GRIA4: variants seen among roughly 807,000 people sequenced by gnomAD.
GRIA4 encodes glutamate receptor 4.
In GRIA4, 34 loss-of-function variants were observed where a neutral mutation model predicts 104.0. The observed-to-expected ratio is 0.33, with a 90% CI of 0.25 to 0.44. The LOEUF is 0.44. Ranked by LOEUF, GRIA4 falls within the 20% of genes least tolerant of loss-of-function variation. The probability of loss-of-function intolerance (pLI) is 1.00; values close to 1 mark genes in which losing one functional copy is unlikely to be tolerated. For synonymous variants in GRIA4, 386 were observed against 381.9 expected, an observed-to-expected ratio of 1.01 and a Z score of -0.13; for missense variants, 750 against 1,096.5, an observed-to-expected ratio of 0.68 and a Z score of 4.46.
intron 4 of GRIA4, among the ~76,000 whole-genome samples, chr11:105,779,618 A>G (rs1044969298): frequency 1.1e-4 from 17 of 152,136 alleles, no homozygotes; most frequent in Admixed American, 6.5e-4. Context: ...CATGTACCCT[A>G]AAACTTAAAA....
intron 14 of GRIA4, among the ~76,000 whole-genome samples, chr11:105,956,280 C>A (rs182127817): frequency 5.3e-5 from 8 of 151,846 alleles, no homozygotes; most frequent in Non-Finnish European, 1.0e-4. Context: ...CACAACAGGC[C>A]CCAGTTTGTG....
chr11:105,726,415 TCATCTCCTTCGCA>T (rs1938210383), intron 3 of GRIA4, among the ~76,000 whole-genome samples: 1 of 152,084 alleles, frequency 6.6e-6, no homozygotes, highest in Admixed American at 6.6e-5. Flanking sequence ...GATAAAACTC[TCATCTCCTTCGCA>T]CAGGGCACCT....
At chr11:105,911,935 T>C (rs1357072806) in intron 10 of GRIA4, 4 of 1,553,568 alleles carry the variant, frequency 2.6e-6, no homozygotes, top group Non-Finnish European at 3.5e-6. Context: ...TTCCGCGCTG[T>C]TCGACCATTC....
chr11:105,639,865 A>G (rs1274815033), intron 3 of GRIA4, among the ~76,000 whole-genome samples: 1 of 151,982 alleles, frequency 6.6e-6, no homozygotes, highest in Non-Finnish European at 1.5e-5. Context: ...ATAGAGCAGT[A>G]AACACTACAC....
In GRIA4 at chr11:105,905,268, T is replaced by G; in HGVS notation, c.1125T>G (p.Asp375Glu). ...GACGTAGAGTCAATTACACAATGGA[T>G]GTGTTTGAGCTGAAAAGCACAGGAC... is the stretch of plus-strand genomic sequence containing the variant. ...HYGRRVNYTM[D>E]VFELKSTGPR... is the part of the protein sequence containing the mutation. Residue 375 changes from aspartate (D) to glutamate (E), a missense_variant, in exon 9 of 17, where the codon GAT (aspartate) becomes GAG (glutamate). Coordinates refer to ENST00000282499, the MANE Select transcript of GRIA4 (RefSeq NM_000829.4). The G allele has an allele frequency of 1.2e-6, 2 of 1,603,842 alleles. No homozygotes were observed. The highest frequency in any genetic ancestry group is 2.2e-5 in the South Asian group (2 of 90,850).
At chr11:105,915,978 G>A (rs988077238) in intron 10 of GRIA4, among the ~76,000 whole-genome samples, 1 of 152,140 alleles carries the variant, frequency 6.6e-6, no homozygotes, top group Non-Finnish European at 1.5e-5. Flanking sequence ...GAGGCCAGGA[G>A]TTTGAGACCA....
intron 16 of GRIA4, among the ~76,000 whole-genome samples, chr11:105,975,778 T>G (rs1565375958): frequency 6.6e-6 from 1 of 152,122 alleles, no homozygotes; most frequent in Admixed American, 6.5e-5. Context: ...TATTTATTTA[T>G]ATGAAAGCTT....
At chr11:105,759,121 T>A (rs2135711508) in intron 4 of GRIA4, among the ~76,000 whole-genome samples, 1 of 152,278 alleles carries the variant, frequency 6.6e-6, no homozygotes, top group East Asian at 1.9e-4. Flanking sequence ...AAAGTACTTA[T>A]AAGTTCCTGG....
intron 3 of GRIA4, among the ~76,000 whole-genome samples, chr11:105,727,539 T>C (rs1252200665): frequency 2.0e-5 from 3 of 152,052 alleles, no homozygotes; most frequent in Non-Finnish European, 4.4e-5. Flanking sequence ...ACCACAAAGA[T>C]ACTCCTTGAG....
chr11:105,944,883 C>A (rs1346284049), intron 14 of GRIA4, among the ~76,000 whole-genome samples: 1 of 152,126 alleles, frequency 6.6e-6, no homozygotes, highest in Non-Finnish European at 1.5e-5. Flanking sequence ...CCTGCCATTT[C>A]CCATTGTGAA....
At chr11:105,792,744 C>A (rs1942268586) in intron 4 of GRIA4, among the ~76,000 whole-genome samples, 1 of 152,118 alleles carries the variant, frequency 6.6e-6, no homozygotes, top group South Asian at 2.1e-4. Context: ...TAATTAAAAT[C>A]CTTATCTAAG....
intron 3 of GRIA4, among the ~76,000 whole-genome samples, chr11:105,645,252 A>G (rs1200860502): frequency 1.3e-5 from 2 of 152,202 alleles, no homozygotes; most frequent in East Asian, 1.9e-4. Flanking sequence ...CACAACAACT[A>G]TCTTGCTAGA....
chr11:105,787,867 T>G (rs1489584633), intron 4 of GRIA4, among the ~76,000 whole-genome samples: 1 of 152,186 alleles, frequency 6.6e-6, no homozygotes, highest in Non-Finnish European at 1.5e-5. Flanking sequence ...CTTTAGTTTT[T>G]GGGTTGTTTT....
rs56222983 is a variant in GRIA4 at position 105,783,744 on chromosome 11, TTGTGTGTGTGTGTGTGTGTG to T, written c.487+30548_487+30567del. 2.6e-3 allele frequency among the ~76,000 whole-genome samples: 384 copies of T among 145,474 alleles called. 4 individuals carry two copies. Among genetic ancestry groups the T allele is most frequent in the Non-Finnish European group, 4.6e-3 (304 of 66,234 alleles). On this transcript the variant is annotated intron_variant, in intron 4 of 16. Coordinates refer to ENST00000282499, the MANE Select transcript of GRIA4 (RefSeq NM_000829.4). ...AGATAAAACAGATTCTGGATGTTAT[TTGTGTGTGTGTGTGTGTGTG>T]TGTGTGTGTGTGTGTGTGTGTGTAT...
intron 14 of GRIA4, among the ~76,000 whole-genome samples, chr11:105,959,197 A>C (rs571367335): frequency 5.3e-5 from 8 of 152,296 alleles, no homozygotes; most frequent in African/African-American, 1.4e-4. Context: ...TAATATCCTG[A>C]AATGTGTATT....
chr11:105,792,232 A>G (rs1942245554), intron 4 of GRIA4, among the ~76,000 whole-genome samples: 2 of 152,218 alleles, frequency 1.3e-5, no homozygotes, highest in Non-Finnish European at 2.9e-5. Context: ...TACAGAAAGT[A>G]CAAGAAATAA....
At chr11:105,977,422 T>A (rs1488870016) in intron 16 of GRIA4, among the ~76,000 whole-genome samples, 1 of 151,966 alleles carries the variant, frequency 6.6e-6, no homozygotes. Flanking sequence ...TTGGTTTGGA[T>A]TAGACTCGTG....
intron 4 of GRIA4, among the ~76,000 whole-genome samples, chr11:105,811,441 C>A (rs1350665973): frequency 6.6e-6 from 1 of 152,126 alleles, no homozygotes; most frequent in African/African-American, 2.4e-5. Flanking sequence ...TCCCCAGAGG[C>A]AGCCTCTGGT....
Position 105,610,908 on chromosome 11 carries a change from C to T in GRIA4, c.-90C>T, listed in dbSNP as rs1591434529. 2.1e-6 allele frequency: 1 copy of T among 472,446 alleles called. No homozygotes were observed. Among genetic ancestry groups the T allele is most frequent in the African/African-American group, 2.3e-5 (1 of 43,802 alleles). 29.3% of individuals were successfully genotyped at this position (472,446 alleles called of 1,614,324 possible). A position where few individuals can be genotyped will look rare whatever the true frequency, so the allele number is the denominator to read the frequency against. ...TTTTTTTGGTTGATTTTAATTTTAG[C>T]GCCATCGTCTTCAATGCTTCTCTGA... On this transcript the variant is annotated splice_region_variant and 5_prime_UTR_variant, in exon 2 of 17. Coordinates refer to ENST00000282499, the MANE Select transcript of GRIA4 (RefSeq NM_000829.4).
Sources: gnomAD v4.1 joint callset for allele counts (sites outside exome capture counted in the v4.1 genomes callset) on GRCh38, gnomAD v4.1.1 for gene constraint, MANE v1.5 for transcripts, NCBI Gene and HGNC (gene_info 2026-07-23, HGNC 2026-07-21) for gene names.